The following INPP5A variants were observed in gnomAD, a reference collection of about 807,000 sequenced individuals.
INPP5A encodes the protein 43 kDa inositol polyphosphate 5-phophatase.
INPP5A carries 14 observed loss-of-function variants against 65.2 expected under a neutral mutation model. The observed-to-expected ratio is 0.21, with a 90% CI of 0.14 to 0.34. The LOEUF (loss-of-function observed/expected upper bound fraction) is 0.34. Among genes scored for constraint, INPP5A ranks in the 10% least tolerant of loss-of-function variants. INPP5A has a pLI of 1.00. For synonymous variants in INPP5A, 207 were observed against 208.3 expected (o/e 0.99, Z 0.05); for missense variants, 431 against 545.6 (o/e 0.79, Z 2.09).
intron 2 of INPP5A, among the ~76,000 whole-genome samples, chr10:132,609,667 C>T (rs369288181): frequency 2.0e-5 from 3 of 152,176 alleles, no homozygotes; most frequent in South Asian, 2.1e-4. Context: ...GTTTTTGAGA[C>T]GGAGTCTCAC....
chr10:132,719,848 G>A (rs895886357), intron 8 of INPP5A, among the ~76,000 whole-genome samples: 2 of 150,836 alleles, frequency 1.3e-5, no homozygotes, highest in Non-Finnish European at 2.9e-5. Context: ...TCAGGGTTCT[G>A]TGGTACCTCG....
intron 1 of INPP5A, among the ~76,000 whole-genome samples, chr10:132,568,676 G>A (rs1222588263): frequency 6.6e-6 from 1 of 152,132 alleles, no homozygotes. Flanking sequence ...AGAATGGCTT[G>A]AACCCAGGAG....
At chr10:132,618,461 T>A (rs959309346) in intron 2 of INPP5A, among the ~76,000 whole-genome samples, 10 of 152,308 alleles carry the variant, frequency 6.6e-5, no homozygotes, top group African/African-American at 2.2e-4. Flanking sequence ...CCCAAATAGG[T>A]GAGCTAAATG....
intron 8 of INPP5A, among the ~76,000 whole-genome samples, chr10:132,716,976 G>A (rs536292730): frequency 7.9e-5 from 12 of 152,314 alleles, no homozygotes; most frequent in Non-Finnish European, 1.8e-4. Context: ...ACACTGAGAA[G>A]GCACATACTG....
chr10:132,701,842 G>C (rs1845442723), intron 6 of INPP5A, among the ~76,000 whole-genome samples: 12 of 152,252 alleles, frequency 7.9e-5, no homozygotes, highest in Admixed American at 7.8e-4. Context: ...TGCAGGAATT[G>C]GGGCGGTGGT....
At chr10:132,717,183 G>C (rs1349585514) in intron 8 of INPP5A, among the ~76,000 whole-genome samples, 1 of 152,250 alleles carries the variant, frequency 6.6e-6, no homozygotes, top group Non-Finnish European at 1.5e-5. Flanking sequence ...GGGAGGGAAG[G>C]TGAGCTTTTG....
chr10:132,623,353 G>A (rs889970416), intron 2 of INPP5A, among the ~76,000 whole-genome samples: 7 of 150,550 alleles, frequency 4.6e-5, no homozygotes, highest in South Asian at 2.1e-4. Flanking sequence ...CATACAGTTA[G>A]GATTGACCAG....
At chr10:132,739,804 C>A (rs1368911025) in intron 9 of INPP5A, among the ~76,000 whole-genome samples, 3 of 152,232 alleles carry the variant, frequency 2.0e-5, no homozygotes, top group Non-Finnish European at 4.4e-5. Context: ...GCCATGCCCC[C>A]TGCCAGGACC....
intron 4 of INPP5A, among the ~76,000 whole-genome samples, chr10:132,669,340 G>A (rs1460274445): frequency 6.6e-6 from 1 of 152,228 alleles, no homozygotes; most frequent in Non-Finnish European, 1.5e-5. Context: ...TGCCGGGCCA[G>A]GCCTTCCCTG....
At chr10:132,703,570 T>TAC in intron 6 of INPP5A, among the ~76,000 whole-genome samples, 1 of 118,282 alleles carries the variant, frequency 8.5e-6, no homozygotes, top group Non-Finnish European at 1.7e-5. Context: ...CACACACACG[T>TAC]GGCTTCACCC....
intron 11 of INPP5A, among the ~76,000 whole-genome samples, 165 bp from the exon 12 acceptor site, chr10:132,765,608 A>G (rs544680715): frequency 2.2e-4 from 34 of 152,328 alleles, no homozygotes; most frequent in Non-Finnish European, 4.0e-4. Context: ...GCAGGCGAAC[A>G]CCAGAGCCTG....
At chr10:132,579,833 C>T (rs987708655) in intron 1 of INPP5A, among the ~76,000 whole-genome samples, 4 of 152,048 alleles carry the variant, frequency 2.6e-5, no homozygotes, top group African/African-American at 9.7e-5. Context: ...GCTTCGTCAT[C>T]CACCTGCCTC....
intron 12 of INPP5A, among the ~76,000 whole-genome samples, chr10:132,766,652 C>T (rs1356951185): frequency 6.6e-6 from 1 of 152,072 alleles, no homozygotes; most frequent in Non-Finnish European, 1.5e-5. Context: ...AGGGCTCATG[C>T]ATGTGGCTGT....
intron 1 of INPP5A, among the ~76,000 whole-genome samples, chr10:132,597,454 T>G (rs1292233224): frequency 6.6e-6 from 1 of 152,244 alleles, no homozygotes; most frequent in Non-Finnish European, 1.5e-5. Context: ...AGTGCTTACA[T>G]TCAGTGGGAT....
chr10:132,752,577 TGAG>T lies in INPP5A; in HGVS notation c.903+2737_903+2739del, dbSNP rs199550259. ...GGAGGTGTGGCGTGGAGGGGAGTGG[TGAG>T]GAGGTGTGGCATGGAGGGGTGTGGC... On this transcript the variant is annotated intron_variant, in intron 11 of 15. Transcript: ENST00000368594. Among the ~76,000 whole-genome samples the T allele has an allele frequency of 2.4e-3, 165 of 67,746 alleles. 2 individuals carry two copies. Among genetic ancestry groups the T allele is most frequent in the African/African-American group, 8.1e-3 (131 of 16,184 alleles). The allele number at this position is 67,746 out of a possible 152,430, so 44.4% of individuals were successfully genotyped here.
At chr10:132,720,028 C>A (rs1284268647) in intron 8 of INPP5A, among the ~76,000 whole-genome samples, 2 of 150,412 alleles carry the variant, frequency 1.3e-5, no homozygotes, top group Non-Finnish European at 2.9e-5. Context: ...TGTCTGGGCG[C>A]CTTAGACGGC....
chr10:132,708,033 G>T (rs777460405), intron 6 of INPP5A, among the ~76,000 whole-genome samples: 1 of 152,198 alleles, frequency 6.6e-6, no homozygotes, highest in African/African-American at 2.4e-5. Context: ...TCACATGGGG[G>T]CATGGGGCTC....
At chr10:132,723,817 C>G (rs1034434216) in intron 8 of INPP5A, among the ~76,000 whole-genome samples, 13 of 152,176 alleles carry the variant, frequency 8.5e-5, no homozygotes, top group Non-Finnish European at 1.8e-4. Flanking sequence ...GGCTGCCGCT[C>G]TCCTGGGGTC....
intron 1 of INPP5A, among the ~76,000 whole-genome samples, chr10:132,568,631 C>T (rs1030534554): frequency 6.6e-6 from 1 of 152,010 alleles, no homozygotes; most frequent in Non-Finnish European, 1.5e-5. Flanking sequence ...GTGTTGGGCA[C>T]CCGTAATATC....
Sources: allele counts gnomAD v4.1 joint callset (sites outside exome capture counted in the v4.1 genomes callset), GRCh38; gene constraint gnomAD v4.1.1; transcripts MANE v1.5; gene names NCBI Gene and HGNC (gene_info 2026-07-23, HGNC 2026-07-21).